The following ST6GAL2 variants were observed in gnomAD, a reference collection of about 807,000 sequenced individuals.
ST6GAL2 encodes beta-galactoside alpha-2,6-sialyltransferase 2.
A neutral mutation model predicts 37.5 loss-of-function variants in ST6GAL2; 24 were observed. The ratio of observed to expected loss-of-function variants is 0.64; its 90% CI spans 0.46 to 0.90. ST6GAL2 has a LOEUF of 0.90. Among genes scored for constraint, ST6GAL2 ranks in the 40% least tolerant of loss-of-function variants. ST6GAL2 has a pLI of 0.00. For synonymous variants in ST6GAL2, 306 were observed against 295.1 expected (o/e 1.04, Z -0.38); for missense variants, 715 against 712.7 (o/e 1.00, Z -0.04).
intron 1 of ST6GAL2, among the ~76,000 whole-genome samples, chr2:106,884,934 T>TACACAC (rs1553430008): frequency 3.0e-4 from 36 of 120,470 alleles, no homozygotes; most frequent in African/African-American, 1.2e-3. Flanking sequence ...TATATATATA[T>TACACAC]ACATACACAC....
At position 106,803,782 on chromosome 2, in the gene ST6GAL2, A is replaced by G. The variant is rs1171208222; in HGVS notation, c.*2896T>C. 1.3e-5 allele frequency: 2 copies of G among 152,122 alleles called. No homozygotes were observed. The highest frequency in any genetic ancestry group is 2.9e-5 in the Non-Finnish European group (2 of 68,038). 9.4% of individuals were successfully genotyped at this position (152,122 alleles called of 1,614,324 possible). A position where few individuals can be genotyped will look rare whatever the true frequency, so the allele number is the denominator to read the frequency against. ...TATCAGCTTCCCTTCATAAGAGAGG[A>G]TGGAGGATTTTGGAAGAGACAGAAC... is the stretch of plus-strand genomic sequence containing the variant. On this transcript the variant is annotated 3_prime_UTR_variant, in exon 6 of 6. Transcript: ENST00000409382.
chr2:106,807,059 T>C (rs1675441436), intron 5 of ST6GAL2, 110 bp from the exon 6 acceptor site: 1 of 892,924 alleles, frequency 1.1e-6, no homozygotes, highest in Non-Finnish European at 1.7e-6. Context: ...AAGAGACACT[T>C]ACTTTTTTGT....
rs1228184532 is a variant in ST6GAL2 at position 106,832,784 on chromosome 2, T to C, written c.1042-118A>G. 27 of 720,256 alleles carry C rather than the reference T, an allele frequency of 3.7e-5. No individual in the cohort carries two copies. In the East Asian group the frequency reaches 7.2e-4, roughly 19 times the overall value. 44.6% of individuals were successfully genotyped at this position (720,256 alleles called of 1,614,324 possible). Reference sequence around the variant, plus strand: ...AAAAAAACAGGTGGCTCAGACGTTGTATTTTCTTCTGGGGGAGGGAGAGAG... The same window carrying C: ...AAAAAAACAGGTGGCTCAGACGTTGCATTTTCTTCTGGGGGAGGGAGAGAG... On this transcript the variant is annotated intron_variant, in intron 3 of 5. Transcript: ENST00000409382.
intron 1 of ST6GAL2, among the ~76,000 whole-genome samples, chr2:106,856,374 G>T (rs1276881328): frequency 6.6e-6 from 1 of 152,138 alleles, no homozygotes; most frequent in Non-Finnish European, 1.5e-5. Context: ...TGAGAGACAC[G>T]GATCATGGTG....
At chr2:106,861,188 G>C (rs1288342064) in intron 1 of ST6GAL2, among the ~76,000 whole-genome samples, 1 of 152,184 alleles carries the variant, frequency 6.6e-6, no homozygotes, top group Non-Finnish European at 1.5e-5. Flanking sequence ...AAAATTGTGT[G>C]TCTCTGAGAT....
At chr2:106,883,734 C>A (rs1454604627) in intron 1 of ST6GAL2, among the ~76,000 whole-genome samples, 1 of 147,284 alleles carries the variant, frequency 6.8e-6, no homozygotes, top group Non-Finnish European at 1.5e-5. Flanking sequence ...GATCATATTA[C>A]AGAAAATCCA....
intron 1 of ST6GAL2, among the ~76,000 whole-genome samples, chr2:106,865,900 T>G (rs1184020613): frequency 6.6e-6 from 1 of 152,242 alleles, no homozygotes; most frequent in Non-Finnish European, 1.5e-5. Flanking sequence ...AAAATATATT[T>G]GTGACTTATA....
chr2:106,843,868 T>C lies in ST6GAL2; in HGVS notation c.110A>G (p.Glu37Gly), dbSNP rs893646973. The change falls in exon 2 of 6, where the codon GAG becomes GGG. Residue 37 changes from glutamate to glycine, a missense_variant. By Grantham distance (98) the Glu-to-Gly change is moderately conservative. Coordinates refer to ENST00000409382, the MANE Select transcript of ST6GAL2 (RefSeq NM_001142351.2). ...GAAGGAGAGGGAGCTGGGTACAGGC[T>C]CAGCGGGGTTGCTGTCGGTGAAGTA... is the stretch of plus-strand genomic sequence containing the variant. ...FIYFTDSNPA[E>G]PVPSSLSFLE... The C allele has an allele frequency of 1.2e-6, 2 of 1,610,744 alleles. No homozygotes were observed. The highest frequency in any genetic ancestry group is 2.2e-5 in the East Asian group (1 of 44,830).
At chr2:106,852,625 G>T (rs1189788744) in intron 1 of ST6GAL2, among the ~76,000 whole-genome samples, 1 of 152,196 alleles carries the variant, frequency 6.6e-6, no homozygotes, top group Non-Finnish European at 1.5e-5. Flanking sequence ...GAAAATAAGT[G>T]GGGGGAATGT....
chr2:106,869,463 A>G (rs1678170988), intron 1 of ST6GAL2, among the ~76,000 whole-genome samples: 1 of 152,144 alleles, frequency 6.6e-6, no homozygotes, highest in African/African-American at 2.4e-5. Context: ...CTCAGGGATA[A>G]CTGCTCCCAT....
At chr2:106,838,600 C>T (rs377222260) in intron 2 of ST6GAL2, among the ~76,000 whole-genome samples, 11 of 152,302 alleles carry the variant, frequency 7.2e-5, no homozygotes, top group African/African-American at 2.6e-4. Context: ...GGGCTGAGAG[C>T]TAGTGTTTCT....
At chr2:106,833,086 A>C (rs948077779) in intron 3 of ST6GAL2, among the ~76,000 whole-genome samples, 1 of 152,130 alleles carries the variant, frequency 6.6e-6, no homozygotes, top group African/African-American at 2.4e-5. Context: ...CTGTGGCCCT[A>C]CCTAGTTCTA....
intron 1 of ST6GAL2, among the ~76,000 whole-genome samples, chr2:106,873,511 G>A (rs1419851720): frequency 2.6e-5 from 4 of 152,168 alleles, no homozygotes; most frequent in African/African-American, 7.2e-5. Flanking sequence ...CTAATTGTAG[G>A]ATTTGACAAC....
intron 5 of ST6GAL2, chr2:106,822,897 T>C (rs919377805): frequency 2.0e-5 from 3 of 152,212 alleles, no homozygotes; most frequent in Non-Finnish European, 4.4e-5. Flanking sequence ...AATGTATTTA[T>C]ATTATGTCAA....
chr2:106,807,189 A>G (rs1295209545), intron 5 of ST6GAL2, among the ~76,000 whole-genome samples: 1 of 152,118 alleles, frequency 6.6e-6, no homozygotes, highest in African/African-American at 2.4e-5. Flanking sequence ...CATTTAATTT[A>G]TCACTGTGGG....
At chr2:106,851,933 G>A (rs896258079) in intron 1 of ST6GAL2, among the ~76,000 whole-genome samples, 3 of 152,046 alleles carry the variant, frequency 2.0e-5, no homozygotes, top group Non-Finnish European at 4.4e-5. Flanking sequence ...ATTAGCTCCC[G>A]TCACATATCC....
intron 4 of ST6GAL2, among the ~76,000 whole-genome samples, chr2:106,830,643 A>T (rs1676385698): frequency 6.6e-6 from 1 of 152,224 alleles, no homozygotes; most frequent in Non-Finnish European, 1.5e-5. Flanking sequence ...TTCTAAAAAA[A>T]CACTATTTAT....
intron 1 of ST6GAL2, among the ~76,000 whole-genome samples, chr2:106,854,368 G>A (rs1340183467): frequency 6.6e-6 from 1 of 152,178 alleles, no homozygotes. Flanking sequence ...AATGAATAAA[G>A]TAATGTGCTT....
At chr2:106,853,049 G>A (rs1677434961) in intron 1 of ST6GAL2, among the ~76,000 whole-genome samples, 3 of 152,106 alleles carry the variant, frequency 2.0e-5, no homozygotes. Flanking sequence ...ACTAGAACAC[G>A]AAGCCAGAAA....
Sources: gnomAD v4.1 joint callset for allele counts (sites outside exome capture counted in the v4.1 genomes callset) on GRCh38, gnomAD v4.1.1 for gene constraint, MANE v1.5 for transcripts, NCBI Gene and HGNC (gene_info 2026-07-23, HGNC 2026-07-21) for gene names.